DSCAM: variants seen among roughly 807,000 people sequenced by gnomAD.
The protein encoded by DSCAM is cell adhesion molecule DSCAM.
DSCAM carries 47 observed loss-of-function variants against 217.7 expected under a neutral mutation model. The ratio of observed to expected loss-of-function variants is 0.22; its 90% CI spans 0.17 to 0.28. DSCAM has a LOEUF of 0.28. DSCAM is among the 10% of genes least tolerant of loss of function. The pLI, the probability that DSCAM is intolerant of heterozygous loss-of-function variation, is 1.00. For synonymous variants in DSCAM, 1,056 were observed against 1,015.3 expected (o/e 1.04, Z -0.76); for missense variants, 2,080 against 2,618.3 (o/e 0.79, Z 4.49).
chr21:40,844,676 CTA>C (rs917882777), intron 1 of DSCAM, among the ~76,000 whole-genome samples: 9 of 151,198 alleles, frequency 6.0e-5, no homozygotes, highest in African/African-American at 2.2e-4. Flanking sequence ...ATAATTATTT[CTA>C]TGATTGTTTA....
At chr21:40,408,150 C>A (rs1386203802) in intron 3 of DSCAM, among the ~76,000 whole-genome samples, 1 of 151,650 alleles carries the variant, frequency 6.6e-6, no homozygotes, top group Non-Finnish European at 1.5e-5. Context: ...CATCTCGGTG[C>A]CCAACATGAA....
intron 3 of DSCAM, among the ~76,000 whole-genome samples, chr21:40,391,437 A>T (rs961408246): frequency 6.6e-6 from 1 of 152,250 alleles, no homozygotes; most frequent in African/African-American, 2.4e-5. Context: ...AGATTAGAGA[A>T]CCATCAACTT....
chr21:40,757,713 C>T (rs1049450666), intron 1 of DSCAM, among the ~76,000 whole-genome samples: 7 of 152,202 alleles, frequency 4.6e-5, no homozygotes, highest in Non-Finnish European at 1.0e-4. Flanking sequence ...AGTGCCTCTC[C>T]TTACTAGAAG....
rs540261395 is a variant in DSCAM at position 40,515,002 on chromosome 21, G to A, written c.509-145757C>T. On this transcript the variant is annotated intron_variant, in intron 3 of 32. Transcript: ENST00000400454. ...GGACATTTTTCAAATTTTCAGAAGC[G>A]AAGTTAAGAAAAGATTACTTAGAAA... Among the ~76,000 whole-genome samples the A allele has an allele frequency of 1.1e-4, 16 of 152,284 alleles. No homozygotes were observed. The East Asian group carries it at 2.1e-3, about 20-fold the overall frequency.
chr21:40,069,591 A>G (rs1483468089), intron 27 of DSCAM, among the ~76,000 whole-genome samples: 2 of 152,202 alleles, frequency 1.3e-5, no homozygotes, highest in Admixed American at 6.5e-5. Context: ...AGTTACGTAA[A>G]ATGGAAGACG....
chr21:40,077,624 C>A (rs1371734404), intron 26 of DSCAM, among the ~76,000 whole-genome samples: 1 of 152,192 alleles, frequency 6.6e-6, no homozygotes, highest in Non-Finnish European at 1.5e-5. Context: ...TCATGGGCTG[C>A]CTCTGTCTAA....
chr21:40,133,831 C>T (rs2146690511), intron 19 of DSCAM, 23 bp downstream of exon 19: 1 of 1,578,492 alleles, frequency 6.3e-7, no homozygotes, highest in East Asian at 2.3e-5. Flanking sequence ...ACTGCTGGGA[C>T]CCACCGCCCA....
At chr21:40,221,222 A>G (rs1455964184) in intron 11 of DSCAM, among the ~76,000 whole-genome samples, 1 of 152,066 alleles carries the variant, frequency 6.6e-6, no homozygotes, top group Non-Finnish European at 1.5e-5. Flanking sequence ...GATCTCTCCC[A>G]GAACTACACT....
At chr21:40,482,679 G>A (rs2075993058) in intron 3 of DSCAM, among the ~76,000 whole-genome samples, 1 of 152,178 alleles carries the variant, frequency 6.6e-6, no homozygotes, top group South Asian at 2.1e-4. Context: ...GACCCTGACA[G>A]CAGAGGGCAA....
chr21:40,612,274 C>G (rs1010568409), intron 3 of DSCAM, among the ~76,000 whole-genome samples: 1 of 152,152 alleles, frequency 6.6e-6, no homozygotes, highest in Admixed American at 6.5e-5. Flanking sequence ...ACTTGCTTGA[C>G]CAAGAGAATC....
chr21:40,688,083 C>A lies in DSCAM; in HGVS notation c.508+4727G>T, dbSNP rs1293598918. 3.3e-5 allele frequency among the ~76,000 whole-genome samples: 5 copies of A among 152,218 alleles called. No homozygotes were observed. In the East Asian group the frequency reaches 9.6e-4, roughly 29 times the overall value. On this transcript the variant is annotated intron_variant, in intron 3 of 32. Coordinates refer to ENST00000400454, the MANE Select transcript of DSCAM (RefSeq NM_001389.5). ...CAATGATCCTAAGAGGTAAAATTCTCCTTGAATCATCACTAATAGAGGTAT... is the reference window on the plus strand; with the variant it reads ...CAATGATCCTAAGAGGTAAAATTCTACTTGAATCATCACTAATAGAGGTAT...
intron 3 of DSCAM, among the ~76,000 whole-genome samples, chr21:40,644,583 G>C (rs1257841996): frequency 1.3e-5 from 2 of 152,156 alleles, no homozygotes; most frequent in Non-Finnish European, 2.9e-5. Flanking sequence ...CTTTCATAGG[G>C]TGTGACTAAC....
chr21:40,295,933 G>A (rs1301366087), intron 10 of DSCAM, 122 bp downstream of exon 10: 3 of 1,230,920 alleles, frequency 2.4e-6, no homozygotes, highest in East Asian at 2.5e-5. Context: ...GATAGGCTTG[G>A]TGGAAACAGA....
intron 1 of DSCAM, among the ~76,000 whole-genome samples, chr21:40,776,367 C>A (rs1223185446): frequency 6.6e-6 from 1 of 152,118 alleles, no homozygotes. Flanking sequence ...GGATTATGAT[C>A]AGCTGCCCAC....
At chr21:40,325,295 T>C (rs1033082966) in intron 8 of DSCAM, among the ~76,000 whole-genome samples, 13 of 152,168 alleles carry the variant, frequency 8.5e-5, no homozygotes, top group Admixed American at 6.5e-4. Flanking sequence ...ACATGGGTCA[T>C]TTAATAAATA....
intron 3 of DSCAM, among the ~76,000 whole-genome samples, chr21:40,483,089 T>G (rs1183871287): frequency 6.6e-6 from 1 of 152,256 alleles, no homozygotes; most frequent in Non-Finnish European, 1.5e-5. Flanking sequence ...ACTAATATTT[T>G]AAAATGTCCC....
intron 32 of DSCAM, among the ~76,000 whole-genome samples, chr21:40,028,533 G>A (rs1168658567): frequency 1.3e-5 from 2 of 152,014 alleles, no homozygotes; most frequent in African/African-American, 4.8e-5. Flanking sequence ...CAAGCCAGGT[G>A]CGGGATATAA....
chr21:40,145,872 C>T (rs575298813), intron 16 of DSCAM, among the ~76,000 whole-genome samples: 1 of 151,870 alleles, frequency 6.6e-6, no homozygotes, highest in African/African-American at 2.4e-5. Context: ...ATGCGAATGC[C>T]ACCAAGATGA....
In DSCAM at chr21:40,256,404, C is replaced by CAGAGAG. The variant is rs148333628; in HGVS notation, c.2356+19687_2356+19692dup. Among the ~76,000 whole-genome samples, 227 of 147,776 alleles carry CAGAGAG rather than the reference C, an allele frequency of 1.5e-3. 3 individuals carry two copies. In the East Asian group the frequency reaches 0.022, roughly 14 times the overall value. On this transcript the variant is annotated intron_variant, in intron 11 of 32. Transcript: ENST00000400454. Reference sequence around the variant, plus strand: ...AACCAATAGGAGAGAGAGAGACAGACAGAGAGAGAGAGAGAGAGACAGAGA... The same window carrying CAGAGAG: ...AACCAATAGGAGAGAGAGAGACAGACAGAGAGAGAGAGAGAGAGAGAGAGACAGAGA...
Sources: allele counts gnomAD v4.1 joint callset (sites outside exome capture counted in the v4.1 genomes callset), GRCh38; gene constraint gnomAD v4.1.1; transcripts MANE v1.5; gene names NCBI Gene and HGNC (gene_info 2026-07-23, HGNC 2026-07-21).